SYN3: variants seen among roughly 807,000 people sequenced by gnomAD.
The protein encoded by SYN3 is synapsin III.
SYN3 carries 35 observed loss-of-function variants against 65.8 expected under a neutral mutation model. That is an observed-to-expected ratio of 0.53 (90% CI 0.41 to 0.70). The LOEUF (loss-of-function observed/expected upper bound fraction) is 0.70, where lower values mean the gene tolerates loss of function less well. SYN3 is among the 30% of genes least tolerant of loss of function. The probability of loss-of-function intolerance (pLI) is 0.00; values close to 1 mark genes in which losing one functional copy is unlikely to be tolerated. For missense variants in SYN3, 680 were observed against 749.0 expected (o/e 0.91, Z 1.08); for synonymous variants, 270 against 292.9 (o/e 0.92, Z 0.80).
At chr22:33,030,607 A>G (rs1383016711) in intron 1 of SYN3, among the ~76,000 whole-genome samples, 2 of 152,136 alleles carry the variant, frequency 1.3e-5, no homozygotes, top group East Asian at 3.9e-4. Context: ...AGAGAGAGAT[A>G]GATAAAAATA....
intron 6 of SYN3, among the ~76,000 whole-genome samples, chr22:32,681,216 G>A (rs374676348): frequency 7.6e-6 from 1 of 132,328 alleles, no homozygotes; most frequent in Non-Finnish European, 1.7e-5. Context: ...TGACCTCCAG[G>A]GATATTTGGC....
intron 2 of SYN3, 125 bp downstream of exon 2, chr22:33,006,227 T>C (rs1601889809): frequency 8.6e-7 from 1 of 1,168,540 alleles, no homozygotes; most frequent in Non-Finnish European, 1.2e-6. Context: ...TTTCCTTCTC[T>C]CCAGCCAGGC....
intron 9 of SYN3, among the ~76,000 whole-genome samples, chr22:32,537,703 A>G (rs2058188388): frequency 6.6e-6 from 1 of 152,090 alleles, no homozygotes; most frequent in African/African-American, 2.4e-5. Flanking sequence ...ACCTCTTCCT[A>G]TAGCAGCTGG....
intron 4 of SYN3, among the ~76,000 whole-genome samples, chr22:32,921,334 T>G (rs2050329478): frequency 6.6e-6 from 1 of 152,222 alleles, no homozygotes; most frequent in Admixed American, 6.5e-5. Flanking sequence ...TAAAAAACAC[T>G]GAAGCTCAGA....
intron 8 of SYN3, among the ~76,000 whole-genome samples, chr22:32,538,437 T>C (rs2058200277): frequency 6.6e-6 from 1 of 152,200 alleles, no homozygotes; most frequent in Non-Finnish European, 1.5e-5. Flanking sequence ...GCAGTGTGTA[T>C]AGCCCCTGGT....
intron 9 of SYN3, 149 bp downstream of exon 9, chr22:32,537,887 G>T: frequency 1.6e-6 from 1 of 638,100 alleles, no homozygotes; most frequent in Non-Finnish European, 2.8e-6. Flanking sequence ...TGTGGGCAGT[G>T]AAGATGATCA....
intron 1 of SYN3, among the ~76,000 whole-genome samples, chr22:33,015,651 TCA>T (rs2053451088): frequency 6.6e-6 from 1 of 152,190 alleles, no homozygotes; most frequent in Non-Finnish European, 1.5e-5. Context: ...AACTTTATGC[TCA>T]GTTTTTATAC....
intron 10 of SYN3, among the ~76,000 whole-genome samples, chr22:32,531,751 T>G (rs984338814): frequency 2.0e-5 from 3 of 151,694 alleles, no homozygotes; most frequent in African/African-American, 7.3e-5. Flanking sequence ...CCATCTCCCC[T>G]GACCCCACTC....
At chr22:33,049,375 A>T (rs1207716521) in intron 1 of SYN3, among the ~76,000 whole-genome samples, 3 of 152,188 alleles carry the variant, frequency 2.0e-5, no homozygotes, top group African/African-American at 7.2e-5. Flanking sequence ...GCTTTTCTCC[A>T]AATTCCACTG....
chr22:32,732,277 C>A (rs2061281062), intron 6 of SYN3, among the ~76,000 whole-genome samples: 2 of 152,238 alleles, frequency 1.3e-5, no homozygotes, highest in Admixed American at 6.5e-5. Context: ...GCCCGACACA[C>A]AGCAAGCCTG....
intron 6 of SYN3, among the ~76,000 whole-genome samples, chr22:32,626,642 A>G (rs2059670329): frequency 1.3e-5 from 2 of 152,182 alleles, no homozygotes; most frequent in African/African-American, 4.8e-5. Context: ...TGGAGCAGGG[A>G]GAAGTGTGGG....
chr22:32,721,325 A>T (rs1406270493), intron 6 of SYN3, among the ~76,000 whole-genome samples: 1 of 152,144 alleles, frequency 6.6e-6, no homozygotes, highest in Non-Finnish European at 1.5e-5. Flanking sequence ...TTGGGGTAAA[A>T]GAAGCACATT....
intron 6 of SYN3, among the ~76,000 whole-genome samples, chr22:32,682,376 T>A (rs2060535951): frequency 6.6e-6 from 1 of 152,138 alleles, no homozygotes; most frequent in Non-Finnish European, 1.5e-5. Flanking sequence ...TTGACTTACA[T>A]TTTGCAAGAT....
At chr22:33,011,718 A>G (rs2053356355) in intron 1 of SYN3, among the ~76,000 whole-genome samples, 1 of 152,070 alleles carries the variant, frequency 6.6e-6, no homozygotes, top group African/African-American at 2.4e-5. Flanking sequence ...TCTTTGTGGG[A>G]AAGTTTTTAA....
intron 4 of SYN3, among the ~76,000 whole-genome samples, chr22:32,895,275 C>G (rs1293980820): frequency 6.6e-6 from 1 of 152,202 alleles, no homozygotes; most frequent in Non-Finnish European, 1.5e-5. Flanking sequence ...TGGACTTAGA[C>G]TGGGACTCAC....
intron 3 of SYN3, among the ~76,000 whole-genome samples, chr22:32,976,069 T>C (rs1308816728): frequency 6.6e-6 from 1 of 152,160 alleles, no homozygotes; most frequent in East Asian, 1.9e-4. Context: ...GTTTAAAATA[T>C]TTTAAGGGGA....
chr22:32,908,604 A>C (rs559431335), intron 4 of SYN3, among the ~76,000 whole-genome samples: 1 of 152,148 alleles, frequency 6.6e-6, no homozygotes, highest in Non-Finnish European at 1.5e-5. Context: ...CAGAGGTCCT[A>C]TCTGGCTTAT....
At chr22:32,545,621 T>G (rs1017948358) in intron 7 of SYN3, among the ~76,000 whole-genome samples, 1 of 152,140 alleles carries the variant, frequency 6.6e-6, no homozygotes, top group Admixed American at 6.5e-5. Context: ...AGTGCAATGG[T>G]GCAATCTTGG....
chr22:32,965,906 A>G lies in SYN3; in HGVS notation c.369+14739T>C, dbSNP rs553379473. Reference sequence around the variant, plus strand: ...AGACGGGGTTTCGCTGTGTTAGCCAAGGTGGTCTCGATCTCCTGACCTTGT... The same window carrying G: ...AGACGGGGTTTCGCTGTGTTAGCCAGGGTGGTCTCGATCTCCTGACCTTGT... On this transcript the variant is annotated intron_variant, in intron 3 of 13. Transcript: ENST00000358763. Among the ~76,000 whole-genome samples, 144 of 152,206 alleles carry G rather than the reference A, an allele frequency of 9.5e-4. 2 individuals carry two copies. Among genetic ancestry groups the G allele is most frequent in the South Asian group, 4.6e-3 (22 of 4,820 alleles).
Sources: allele counts gnomAD v4.1 joint callset (sites outside exome capture counted in the v4.1 genomes callset), GRCh38; gene constraint gnomAD v4.1.1; transcripts MANE v1.5; gene names NCBI Gene and HGNC (gene_info 2026-07-23, HGNC 2026-07-21).